The following PDK1 variants were observed in gnomAD, a reference collection of about 807,000 sequenced individuals.
The protein encoded by PDK1 is [Pyruvate dehydrogenase (acetyl-transferring)] kinase isozyme 1, mitochondrial.
Under a neutral mutation model 54.2 loss-of-function variants are expected in PDK1, and 39 were observed. The observed-to-expected ratio is 0.72, with a 90% CI of 0.56 to 0.94. The LOEUF (loss-of-function observed/expected upper bound fraction) is 0.94. PDK1 is among the 40% of genes least tolerant of loss of function. PDK1 has a pLI of 0.00. For synonymous variants in PDK1, 221 were observed against 207.1 expected (o/e 1.07, Z -0.58); for missense variants, 552 against 566.0 (o/e 0.98, Z 0.25).
the PDK1 span, among the ~76,000 whole-genome samples, chr2:172,688,219 G>C: frequency 6.6e-6 from 1 of 152,162 alleles, no homozygotes; most frequent in African/African-American, 2.4e-5. Context: ...TCAGTAGGCT[G>C]TTGCAGTCTT....
chr2:172,659,076 G>GA, the PDK1 span, among the ~76,000 whole-genome samples: 1 of 151,978 alleles, frequency 6.6e-6, no homozygotes, highest in Admixed American at 6.6e-5. Flanking sequence ...CTCCCCTTTT[G>GA]AAGTCCTTAA....
intron 6 of PDK1, among the ~76,000 whole-genome samples, chr2:172,568,017 G>T (rs2149220669): frequency 6.6e-6 from 1 of 152,266 alleles, no homozygotes; most frequent in East Asian, 1.9e-4. Flanking sequence ...TTCCACCCAG[G>T]TGAAACATTT....
chr2:172,562,575 T>C (rs79253216), intron 3 of PDK1, among the ~76,000 whole-genome samples: 1,938 of 152,362 alleles, frequency 0.013, 48 homozygotes, highest in African/African-American at 0.043. Flanking sequence ...CTCCTTCTAA[T>C]GGACAACCAC....
intron 1 of PDK1, among the ~76,000 whole-genome samples, chr2:172,557,656 T>A (rs13027526): frequency 1.4e-3 from 215 of 150,894 alleles, no homozygotes; most frequent in African/African-American, 3.5e-3. Flanking sequence ...TATTTTTTTT[T>A]AAAAATAGAA....
the PDK1 span, among the ~76,000 whole-genome samples, chr2:172,645,537 G>GT: frequency 3.4e-4 from 51 of 152,118 alleles, no homozygotes; most frequent in Non-Finnish European, 6.0e-4. Context: ...GGGATTACAG[G>GT]TGTAAGCCAC....
Position 172,566,982 on chromosome 2 carries a change from G to C in PDK1, c.769+49G>C, listed in dbSNP as rs1198687275. On this transcript the variant is annotated intron_variant, in intron 6 of 10. Transcript: ENST00000282077. ...TCAATAATTAGTGCTTTGATTACTT[G>C]ATAAGGGATAAGAATTTAAATGTTT... The C allele has an allele frequency of 3.4e-6, 4 of 1,192,104 alleles. No homozygotes were observed. In the South Asian group the frequency reaches 5.1e-5, roughly 15 times the overall value. 73.8% of individuals were successfully genotyped at this position (1,192,104 alleles called of 1,614,324 possible). A position where few individuals can be genotyped will look rare whatever the true frequency, so the allele number is the denominator to read the frequency against.
the PDK1 span, among the ~76,000 whole-genome samples, chr2:172,702,515 C>G: frequency 6.7e-6 from 1 of 149,914 alleles, no homozygotes; most frequent in East Asian, 1.9e-4. Flanking sequence ...GCCAGGGCCT[C>G]TTTCATTGTT....
chr2:172,717,921 A>T, the PDK1 span, among the ~76,000 whole-genome samples: 1 of 152,208 alleles, frequency 6.6e-6, no homozygotes, highest in African/African-American at 2.4e-5. Context: ...TCATTTTAAG[A>T]TAGCAAAGGA....
At chr2:172,629,563 C>G in the PDK1 span, among the ~76,000 whole-genome samples, 1 of 152,198 alleles carries the variant, frequency 6.6e-6, no homozygotes, top group Non-Finnish European at 1.5e-5. Context: ...CTGAGAGCCA[C>G]TGCCACCACT....
At chr2:172,579,985 A>G (rs1366113377) in intron 8 of PDK1, among the ~76,000 whole-genome samples, 1 of 151,718 alleles carries the variant, frequency 6.6e-6, no homozygotes, top group African/African-American at 2.4e-5. Flanking sequence ...TTTTATTTCC[A>G]TTATCTTACA....
chr2:172,696,982 C>T, the PDK1 span, among the ~76,000 whole-genome samples: 8 of 152,218 alleles, frequency 5.3e-5, no homozygotes, highest in Non-Finnish European at 1.2e-4. Flanking sequence ...CTGCTTCTAT[C>T]CCAATTAGTT....
chr2:172,629,764 C>T, the PDK1 span, among the ~76,000 whole-genome samples: 3 of 152,150 alleles, frequency 2.0e-5, no homozygotes, highest in African/African-American at 7.2e-5. Flanking sequence ...CACAGGCAAC[C>T]CCTAGGTGCT....
Position 172,576,403 on chromosome 2 carries a change from T to C in PDK1, c.945+5579T>C, listed in dbSNP as rs1689589902. Among the ~76,000 whole-genome samples, 2 of 151,776 alleles carry C rather than the reference T, an allele frequency of 1.3e-5. 1 individual carries two copies. Among genetic ancestry groups the C allele is most frequent in the Non-Finnish European group, 2.9e-5 (2 of 67,984 alleles). On this transcript the variant is annotated intron_variant, in intron 8 of 10. Transcript: ENST00000282077. ...TCTTCTTTTTTTTTCTTGGTCAATA[T>C]AGCTAAATACTTATCAATTTTGTTA...
In PDK1 at chr2:172,562,329, A is replaced by G; in HGVS notation, c.410+38A>G. The G allele has an allele frequency of 3.3e-6, 4 of 1,217,792 alleles. No individual in the cohort carries two copies. The South Asian group carries it at 3.7e-5, about 11-fold the overall frequency. The allele number at this position is 1,217,792 out of a possible 1,614,324, so 75.4% of individuals were successfully genotyped here. ...TTTTGACCCTATTCTTAAACCTATT[A>G]TTAGGTCACTTGGGGGAAATTGGTT... On this transcript the variant is annotated intron_variant, in intron 3 of 10. Transcript: ENST00000282077.
At chr2:172,664,877 C>T in the PDK1 span, among the ~76,000 whole-genome samples, 5 of 152,100 alleles carry the variant, frequency 3.3e-5, no homozygotes, top group Non-Finnish European at 1.5e-5. Context: ...TTGATATAAT[C>T]GAAATTCCAT....
chr2:172,588,649 CTG>C (rs1690395192), intron 9 of PDK1, among the ~76,000 whole-genome samples: 1 of 152,216 alleles, frequency 6.6e-6, no homozygotes, highest in Non-Finnish European at 1.5e-5. Flanking sequence ...AGCCTCCTTT[CTG>C]CTGACATCGC....
the PDK1 span, among the ~76,000 whole-genome samples, chr2:172,654,129 G>T: frequency 6.6e-6 from 1 of 152,200 alleles, no homozygotes; most frequent in Non-Finnish European, 1.5e-5. Context: ...ACAGGTGCTG[G>T]AGAGGGTGTG....
At chr2:172,557,992 C>T (rs1293387557) in intron 1 of PDK1, among the ~76,000 whole-genome samples, 3 of 150,864 alleles carry the variant, frequency 2.0e-5, no homozygotes, top group East Asian at 4.0e-4. Flanking sequence ...CCACCACGCC[C>T]GGCTATTTTT....
At chr2:172,669,638 T>A in the PDK1 span, among the ~76,000 whole-genome samples, 2 of 152,200 alleles carry the variant, frequency 1.3e-5, no homozygotes, top group African/African-American at 4.8e-5. Context: ...ACAATACCAG[T>A]GTATCAGAGC....
Sources: allele counts gnomAD v4.1 joint callset (sites outside exome capture counted in the v4.1 genomes callset), GRCh38; gene constraint gnomAD v4.1.1; transcripts MANE v1.5; gene names NCBI Gene and HGNC (gene_info 2026-07-23, HGNC 2026-07-21).